Variants in LARGE1 observed in about 807,000 individuals in gnomAD.
LARGE1 encodes the protein xylosyl- and glucuronyltransferase LARGE1.
A neutral mutation model predicts 87.6 loss-of-function variants in LARGE1; 43 were observed. That is an observed-to-expected ratio of 0.49 (90% CI 0.38 to 0.63). The LOEUF (loss-of-function observed/expected upper bound fraction) is 0.63. Among genes scored for constraint, LARGE1 ranks in the 30% least tolerant of loss-of-function variants. The pLI is 0.00. For missense variants in LARGE1, 802 were observed against 1,000.2 expected (o/e 0.80, Z 2.67); for synonymous variants, 434 against 394.6 (o/e 1.10, Z -1.18).
intron 11 of LARGE1, among the ~76,000 whole-genome samples, chr22:33,208,052 G>A (rs1253837007): frequency 1.3e-5 from 2 of 152,174 alleles, no homozygotes; most frequent in African/African-American, 2.4e-5. Context: ...TAAGCCTGAA[G>A]AGGAAAGCCA....
intron 11 of LARGE1, among the ~76,000 whole-genome samples, chr22:33,233,939 A>ACATCTTGCC: frequency 6.6e-6 from 1 of 152,334 alleles, no homozygotes. Context: ...TATTTTGAAC[A>ACATCTTGCC]CATCTTGCCC....
At position 33,679,468 on chromosome 22, in the gene LARGE1, G is replaced by GCACACACA. The variant is rs113355241; in HGVS notation, c.107-28808_107-28801dup. Among the ~76,000 whole-genome samples the GCACACACA allele has an allele frequency of 6.1e-5, 9 of 147,592 alleles. No individual in the cohort carries two copies. The East Asian group carries it at 1.8e-3, about 29-fold the overall frequency. ...GAAATTTGGGGACAGACACACACAC[G>GCACACACA]CACACACACACACACACACACACGA... On this transcript the variant is annotated intron_variant, in intron 2 of 14. Transcript: ENST00000397394.
At chr22:33,536,301 A>G (rs1004723197) in intron 6 of LARGE1, among the ~76,000 whole-genome samples, 2 of 152,248 alleles carry the variant, frequency 1.3e-5, no homozygotes, top group Non-Finnish European at 2.9e-5. Flanking sequence ...ATCATCTCTC[A>G]TGAAGATTAC....
intron 1 of LARGE1, among the ~76,000 whole-genome samples, chr22:33,803,847 AAC>A (rs1225006296): frequency 2.0e-5 from 3 of 152,198 alleles, no homozygotes; most frequent in Non-Finnish European, 4.4e-5. Context: ...CCAGAAGGAA[AAC>A]AGATGTTCAG....
chr22:33,784,511 G>A (rs1449984990), intron 1 of LARGE1, among the ~76,000 whole-genome samples: 1 of 152,038 alleles, frequency 6.6e-6, no homozygotes, highest in East Asian at 1.9e-4. Flanking sequence ...TTAAATTTGA[G>A]GGAACAAAAA....
At chr22:33,364,585 C>T (rs1006067495) in intron 9 of LARGE1, among the ~76,000 whole-genome samples, 18 of 152,104 alleles carry the variant, frequency 1.2e-4, no homozygotes, top group African/African-American at 4.3e-4. Flanking sequence ...AAATTGCATG[C>T]CATTTTAAGT....
chr22:33,259,645 T>C (rs1386315666), intron 11 of LARGE1, among the ~76,000 whole-genome samples: 2 of 152,242 alleles, frequency 1.3e-5, no homozygotes, highest in Non-Finnish European at 2.9e-5. Context: ...ACTTGGGTCA[T>C]TGAATCCACA....
At chr22:33,598,253 ACTCCCCTATGC>A (rs1358453987) in intron 5 of LARGE1, among the ~76,000 whole-genome samples, 1 of 152,076 alleles carries the variant, frequency 6.6e-6, no homozygotes, top group Non-Finnish European at 1.5e-5. Flanking sequence ...TAGTTAGTTA[ACTCCCCTATGC>A]CTCAGTTCCT....
At chr22:33,400,442 C>T (rs976837844) in intron 7 of LARGE1, among the ~76,000 whole-genome samples, 2 of 152,110 alleles carry the variant, frequency 1.3e-5, no homozygotes, top group African/African-American at 2.4e-5. Context: ...TACCAGCTAC[C>T]GAAAAATGGC....
Position 33,639,259 on chromosome 22 carries a change from C to T in LARGE1, c.408+11108G>A, listed in dbSNP as rs186870683. ...CTAAAAGAAAGGGAGGTTGGGTCAG[C>T]ACCCACTCTTCCAGCATTGTACTGT... On this transcript the variant is annotated intron_variant, in intron 3 of 14. Coordinates refer to ENST00000397394, the MANE Select transcript of LARGE1 (RefSeq NM_133642.5). Among the ~76,000 whole-genome samples, 18 of 152,300 alleles carry T rather than the reference C, an allele frequency of 1.2e-4. No homozygotes were observed. The East Asian group carries it at 3.5e-3, about 29-fold the overall frequency.
At chr22:33,636,542 A>G (rs1018283069) in intron 3 of LARGE1, among the ~76,000 whole-genome samples, 1 of 152,080 alleles carries the variant, frequency 6.6e-6, no homozygotes, top group South Asian at 2.1e-4. Flanking sequence ...TGTGTCAACT[A>G]TTTATTTCAG....
intron 1 of LARGE1, among the ~76,000 whole-genome samples, chr22:33,912,734 T>C (rs2146968314): frequency 6.6e-6 from 1 of 151,872 alleles, no homozygotes. Flanking sequence ...GAACAAAATC[T>C]TTTTTGGAAA....
At chr22:33,468,513 G>A (rs1366916887) in intron 6 of LARGE1, among the ~76,000 whole-genome samples, 2 of 152,104 alleles carry the variant, frequency 1.3e-5, no homozygotes, top group African/African-American at 4.8e-5. Context: ...GCACATTCTG[G>A]AGTCTCAAAT....
At chr22:33,166,903 T>C (rs186247542) in intron 11 of LARGE1, 8 of 470,162 alleles carry the variant, frequency 1.7e-5, no homozygotes, top group African/African-American at 1.2e-4. Context: ...TATGCAATGA[T>C]ACTGGCTAAG....
At chr22:33,144,935 G>A in the LARGE1 span, among the ~76,000 whole-genome samples, 1 of 152,104 alleles carries the variant, frequency 6.6e-6, no homozygotes, top group African/African-American at 2.4e-5. Flanking sequence ...CAGTTGGCAT[G>A]TGTTTGAGAA....
intron 2 of LARGE1, among the ~76,000 whole-genome samples, chr22:33,686,575 A>T (rs1569371052): frequency 2.5e-3 from 1 of 398 alleles, no homozygotes; most frequent in South Asian, 0.083. Flanking sequence ...AACAAAAATG[A>T]TATGAATAAC....
At chr22:33,703,178 C>G (rs532078973) in intron 2 of LARGE1, among the ~76,000 whole-genome samples, 2 of 152,098 alleles carry the variant, frequency 1.3e-5, no homozygotes, top group East Asian at 3.9e-4. Context: ...ACATCACACA[C>G]CAGGGCCTAT....
chr22:33,195,625 T>A (rs1271041115), intron 11 of LARGE1, among the ~76,000 whole-genome samples: 1 of 151,946 alleles, frequency 6.6e-6, no homozygotes, highest in African/African-American at 2.4e-5. Context: ...ACTGTTTGAA[T>A]TAAATGAAAA....
intron 1 of LARGE1, among the ~76,000 whole-genome samples, chr22:33,811,403 C>T (rs911104998): frequency 2.6e-5 from 4 of 152,158 alleles, no homozygotes; most frequent in Non-Finnish European, 5.9e-5. Context: ...TTCCACTACA[C>T]TAAAGCCAGG....
Sources: allele counts gnomAD v4.1 joint callset (sites outside exome capture counted in the v4.1 genomes callset), GRCh38; gene constraint gnomAD v4.1.1; transcripts MANE v1.5; gene names NCBI Gene and HGNC (gene_info 2026-07-23, HGNC 2026-07-21).